The following CLEC4A variants were observed in gnomAD, a reference collection of about 807,000 sequenced individuals.
CLEC4A encodes C-type (calcium dependent, carbohydrate-recognition domain) lectin, superfamily member 6.
CLEC4A carries 27 observed loss-of-function variants against 32.7 expected under a neutral mutation model. The observed-to-expected ratio is 0.83, with a 90% CI of 0.61 to 1.14. CLEC4A has a LOEUF of 1.14. Among genes scored for constraint, CLEC4A ranks in the 50% most tolerant of loss-of-function variants. CLEC4A has a pLI of 0.00. For missense variants in CLEC4A, 253 were observed against 274.6 expected, an observed-to-expected ratio of 0.92 and a Z score of 0.55; for synonymous variants, 89 against 93.7, an observed-to-expected ratio of 0.95 and a Z score of 0.29.
upstream of CLEC4A, among the ~76,000 whole-genome samples, chr12:8,121,997 G>A (rs377725577): frequency 2.0e-5 from 3 of 152,004 alleles, no homozygotes; most frequent in East Asian, 1.9e-4. Context: ...GAGCATCCTT[G>A]CAGAGGGTAG....
At chr12:8,108,596 G>C in the CLEC4A span, among the ~76,000 whole-genome samples, 7 of 152,268 alleles carry the variant, frequency 4.6e-5, no homozygotes, top group Admixed American at 3.9e-4. Flanking sequence ...TCCTTAGCCT[G>C]GGTTTATATA....
intron 4 of CLEC4A, 70 bp from the exon 5 acceptor site, chr12:8,136,718 T>C (rs2120642537): frequency 5.5e-6 from 5 of 906,862 alleles, no homozygotes; most frequent in Non-Finnish European, 9.0e-6. Flanking sequence ...TTCTTGTTTC[T>C]CTAAGGTATT....
the CLEC4A span, among the ~76,000 whole-genome samples, chr12:8,111,963 G>GTGTATATA: frequency 2.8e-5 from 4 of 142,704 alleles, no homozygotes; most frequent in African/African-American, 1.1e-4. Context: ...GTGTGTGTGT[G>GTGTATATA]TATTTTATTT....
rs752557954 is a variant in CLEC4A at position 8,133,939 on chromosome 12, G to T, written c.299-1646G>T. 4.4e-6 allele frequency: 7 copies of T among 1,607,332 alleles called. No homozygotes were observed. The Admixed American group carries it at 6.8e-5, about 16-fold the overall frequency. ...GAGGAAAGGACACTGGTCCCCCTGA[G>T]AAAGGAGACCCAACAGCCTCAAAAT... On this transcript the variant is annotated intron_variant, in intron 3 of 5. Coordinates refer to ENST00000229332, the MANE Select transcript of CLEC4A (RefSeq NM_016184.4).
Position 8,138,582 on chromosome 12 carries a change from A to G in CLEC4A, c.*295A>G. On this transcript the variant is annotated 3_prime_UTR_variant, in exon 6 of 6. Coordinates refer to ENST00000229332, the MANE Select transcript of CLEC4A (RefSeq NM_016184.4). ...TCTGGTTGCTAAAGAATTATTTACC[A>G]ATAAAATTATATGATGTGGTGTCTC... is the stretch of plus-strand genomic sequence containing the variant. 4.9e-6 allele frequency: 1 copy of G among 202,512 alleles called. No homozygotes were observed. Among genetic ancestry groups the G allele is most frequent in the Non-Finnish European group, 9.9e-6 (1 of 101,410 alleles). 12.5% of individuals were successfully genotyped at this position (202,512 alleles called of 1,614,324 possible). A position where few individuals can be genotyped will look rare whatever the true frequency, so the allele number is the denominator to read the frequency against.
At chr12:8,128,501 C>T (rs1190337818) in intron 2 of CLEC4A, among the ~76,000 whole-genome samples, 2 of 151,876 alleles carry the variant, frequency 1.3e-5, no homozygotes, top group Non-Finnish European at 2.9e-5. Flanking sequence ...ACCTCCGCCT[C>T]CCAGGTTCAA....
chr12:8,135,423 G>C (rs1948095132), intron 3 of CLEC4A, among the ~76,000 whole-genome samples, 162 bp from the exon 4 acceptor site: 1 of 152,042 alleles, frequency 6.6e-6, no homozygotes, highest in Non-Finnish European at 1.5e-5. Context: ...AGGTAGACTT[G>C]GCTTCCTTGA....
At chr12:8,134,878 T>A (rs1325814865) in intron 3 of CLEC4A, 2 of 1,501,600 alleles carry the variant, frequency 1.3e-6, no homozygotes, top group Admixed American at 5.0e-5. Context: ...CCAAGCATGG[T>A]GAAATCTTGG....
intron 1 of CLEC4A, 80 bp from the exon 2 acceptor site, chr12:8,125,479 AAG>A (rs1947885216): frequency 1.3e-6 from 1 of 770,598 alleles, no homozygotes; most frequent in Admixed American, 1.9e-5. Context: ...CATCCAAGAA[AAG>A]AGAGAGAAAG....
intron 3 of CLEC4A, among the ~76,000 whole-genome samples, chr12:8,131,212 GGTTAAGGTAGT>G (rs1308132939): frequency 6.6e-6 from 1 of 152,018 alleles, no homozygotes; most frequent in Non-Finnish European, 1.5e-5. Flanking sequence ...TTGATCACTT[GGTTAAGGTAGT>G]GTTTGTCAAG....
At chr12:8,114,012 G>A in the CLEC4A span, among the ~76,000 whole-genome samples, 1 of 152,176 alleles carries the variant, frequency 6.6e-6, no homozygotes. Context: ...TGTAATGTCA[G>A]AGGATCCCTG....
In CLEC4A at chr12:8,138,454, C is replaced by G; in HGVS notation, c.*167C>G. On this transcript the variant is annotated 3_prime_UTR_variant, in exon 6 of 6. Coordinates refer to ENST00000229332, the MANE Select transcript of CLEC4A (RefSeq NM_016184.4). Reference sequence around the variant, plus strand: ...CTGTACATTGACTGATTCACTTTTTCATAAAGTGAGCATTTATTGAGCATT... The same window carrying G: ...CTGTACATTGACTGATTCACTTTTTGATAAAGTGAGCATTTATTGAGCATT... 2.5e-6 allele frequency: 2 copies of G among 802,832 alleles called. No individual in the cohort carries two copies. The highest frequency in any genetic ancestry group is 3.8e-6 in the Non-Finnish European group (2 of 522,378). The allele number at this position is 802,832 out of a possible 1,614,324, so 49.7% of individuals were successfully genotyped here.
At chr12:8,131,488 C>G (rs905605803) in intron 3 of CLEC4A, among the ~76,000 whole-genome samples, 1 of 108,768 alleles carries the variant, frequency 9.2e-6, no homozygotes, top group Admixed American at 1.1e-4. Context: ...ACTGAGTTTC[C>G]TCTTGCTCAG....
chr12:8,134,132 A>T, intron 3 of CLEC4A: 1 of 1,602,946 alleles, frequency 6.2e-7, no homozygotes, highest in Non-Finnish European at 8.5e-7. Flanking sequence ...GTTGCCTCTC[A>T]CTTGGTTCTC....
chr12:8,111,937 GTGT>G, the CLEC4A span, among the ~76,000 whole-genome samples: 39 of 148,428 alleles, frequency 2.6e-4, 1 homozygote, highest in East Asian at 4.9e-3. Flanking sequence ...GTGTGTGTGT[GTGT>G]GTGTGTGTGT....
upstream of CLEC4A, chr12:8,121,754 A>G (rs1321550739): frequency 1.3e-5 from 2 of 153,378 alleles, no homozygotes; most frequent in African/African-American, 2.4e-5. Context: ...TAAAGAAGGC[A>G]TCTATGTGGT....
At chr12:8,134,868 C>T (rs1948068222) in intron 3 of CLEC4A, 1 of 1,515,476 alleles carries the variant, frequency 6.6e-7, no homozygotes, top group South Asian at 1.2e-5. Flanking sequence ...GGAAGGCGCC[C>T]CAAGCATGGT....
upstream of CLEC4A, among the ~76,000 whole-genome samples, chr12:8,119,628 C>T (rs1006183570): frequency 1.3e-5 from 2 of 152,166 alleles, no homozygotes; most frequent in African/African-American, 4.8e-5. Flanking sequence ...CTTCTAAATA[C>T]TGAGATTAAT....
At chr12:8,112,153 C>T in the CLEC4A span, among the ~76,000 whole-genome samples, 1 of 151,780 alleles carries the variant, frequency 6.6e-6, no homozygotes, top group African/African-American at 2.4e-5. Flanking sequence ...TTTTTAGTAG[C>T]GATGGGGTTT....
Sources: gnomAD v4.1 joint callset for allele counts (sites outside exome capture counted in the v4.1 genomes callset) on GRCh38, gnomAD v4.1.1 for gene constraint, MANE v1.5 for transcripts, NCBI Gene and HGNC (gene_info 2026-07-23, HGNC 2026-07-21) for gene names.